Variants in DAB1 observed in about 807,000 individuals in gnomAD.
The protein encoded by DAB1 is disabled homolog 1.
In DAB1, 15 loss-of-function variants were observed where a neutral mutation model predicts 64.6. The observed-to-expected ratio is 0.23, with a 90% CI of 0.16 to 0.36. The LOEUF (loss-of-function observed/expected upper bound fraction) is 0.36, where lower values mean the gene tolerates loss of function less well. DAB1 is among the 10% of genes least tolerant of loss of function. The probability of loss-of-function intolerance (pLI) is 1.00; values close to 1 mark genes in which losing one functional copy is unlikely to be tolerated. For synonymous variants in DAB1, 235 were observed against 251.9 expected (o/e 0.93, Z 0.64); for missense variants, 596 against 706.7 (o/e 0.84, Z 1.78).
At chr1:57,376,787 G>T (rs1680932150) in intron 1 of DAB1, among the ~76,000 whole-genome samples, 1 of 152,152 alleles carries the variant, frequency 6.6e-6, no homozygotes, top group Non-Finnish European at 1.5e-5. Context: ...AAAATGTACA[G>T]CCTACTGAAA....
intron 5 of DAB1, among the ~76,000 whole-genome samples, chr1:57,947,064 T>A (rs1645195293): frequency 6.6e-6 from 1 of 152,070 alleles, no homozygotes; most frequent in African/African-American, 2.4e-5. Flanking sequence ...GTGCTATGGG[T>A]CTTGATTTAC....
At chr1:57,807,827 T>C (rs1651437056) in intron 6 of DAB1, among the ~76,000 whole-genome samples, 1 of 152,106 alleles carries the variant, frequency 6.6e-6, no homozygotes, top group South Asian at 2.1e-4. Context: ...CTATTCAACA[T>C]GAAGATGATT....
chr1:57,391,141 C>T (rs1570432974), intron 1 of DAB1, among the ~76,000 whole-genome samples: 1 of 152,170 alleles, frequency 6.6e-6, no homozygotes, highest in African/African-American at 2.4e-5. Flanking sequence ...ACAGTGCCGC[C>T]CTAACTCCAT....
At chr1:57,826,832 C>T (rs706410) in intron 1 of DAB1, among the ~76,000 whole-genome samples, 24,432 of 152,224 alleles carry the variant, frequency 0.16, 2,379 homozygotes, top group Middle Eastern at 0.24. Flanking sequence ...TTGCCATGTG[C>T]TCCTCTCCCA....
At chr1:57,183,282 G>A (rs1302008348) in intron 2 of DAB1, among the ~76,000 whole-genome samples, 1 of 152,124 alleles carries the variant, frequency 6.6e-6, no homozygotes, top group Non-Finnish European at 1.5e-5. Flanking sequence ...CATATCACAA[G>A]GCAGAGAAAG....
intron 6 of DAB1, among the ~76,000 whole-genome samples, chr1:57,810,392 A>C (rs1450832010): frequency 6.6e-6 from 1 of 152,162 alleles, no homozygotes; most frequent in Non-Finnish European, 1.5e-5. Context: ...AATGAATAAA[A>C]ATTAGCCAAG....
At chr1:57,928,984 G>A (rs192851357) in intron 5 of DAB1, among the ~76,000 whole-genome samples, 1 of 152,168 alleles carries the variant, frequency 6.6e-6, no homozygotes. Context: ...CAAATGCTAA[G>A]AGCATGTTTA....
intron 1 of DAB1, among the ~76,000 whole-genome samples, chr1:57,362,229 C>T (rs1046947653): frequency 2.0e-5 from 3 of 152,138 alleles, no homozygotes; most frequent in Non-Finnish European, 1.5e-5. Flanking sequence ...AACAAAGAAA[C>T]ACTACCTACT....
chr1:58,531,822 C>T (rs1433906833), intron 1 of DAB1, among the ~76,000 whole-genome samples: 1 of 152,062 alleles, frequency 6.6e-6, no homozygotes, highest in Admixed American at 6.5e-5. Flanking sequence ...GTTTCTCCTG[C>T]CTCAGCCTCC....
chr1:57,457,116 G>A (rs967710010), intron 7 of DAB1, among the ~76,000 whole-genome samples: 1 of 149,768 alleles, frequency 6.7e-6, no homozygotes, highest in Non-Finnish European at 1.5e-5. Context: ...TCCTGTAGCA[G>A]CAAATCCTGA....
chr1:57,671,745 T>C lies in DAB1; in HGVS notation n.552-22080A>G, dbSNP rs1234080939. Among the ~76,000 whole-genome samples, 4 of 152,052 alleles carry C rather than the reference T, an allele frequency of 2.6e-5. No individual in the cohort carries two copies. The East Asian group carries it at 7.7e-4, about 29-fold the overall frequency. On this transcript the variant is annotated intron_variant and non_coding_transcript_variant, in intron 6 of 20. Transcript: ENST00000485760. Reference sequence around the variant, plus strand: ...TAACTCACTTGTACACTAATTTCTGTTGACATTTTACCTTCCCTGTACAGC... The same window carrying C: ...TAACTCACTTGTACACTAATTTCTGCTGACATTTTACCTTCCCTGTACAGC...
At chr1:58,545,876 G>A (rs1646694727) in intron 1 of DAB1, among the ~76,000 whole-genome samples, 1 of 152,170 alleles carries the variant, frequency 6.6e-6, no homozygotes, top group South Asian at 2.1e-4. Flanking sequence ...AAAAGAATTG[G>A]ACGGCAGCAG....
At chr1:57,457,256 TAAG>T in intron 7 of DAB1, among the ~76,000 whole-genome samples, 1 of 152,228 alleles carries the variant, frequency 6.6e-6, no homozygotes, top group Non-Finnish European at 1.5e-5. Flanking sequence ...AGAATTGGAC[TAAG>T]AACTGTGTGC....
intron 5 of DAB1, among the ~76,000 whole-genome samples, chr1:57,992,419 A>T (rs2100379391): frequency 6.6e-6 from 1 of 152,328 alleles, no homozygotes. Flanking sequence ...AGGAACACAA[A>T]GTTATTGAAA....
intron 6 of DAB1, among the ~76,000 whole-genome samples, chr1:57,668,989 C>A (rs1425921801): frequency 2.0e-5 from 3 of 152,082 alleles, no homozygotes; most frequent in Non-Finnish European, 4.4e-5. Flanking sequence ...TGTGAGATTT[C>A]CATGCGAGCT....
intron 5 of DAB1, chr1:58,078,183 A>G (rs1570322078): frequency 6.6e-6 from 1 of 152,164 alleles, no homozygotes; most frequent in Non-Finnish European, 1.5e-5. Context: ...GGATTTGGAG[A>G]GATACTGTAG....
intron 3 of DAB1, among the ~76,000 whole-genome samples, chr1:58,434,720 A>G (rs1344392276): frequency 2.6e-5 from 4 of 152,240 alleles, no homozygotes; most frequent in Non-Finnish European, 4.4e-5. Flanking sequence ...CCAGCCTGGT[A>G]CACTGCAACA....
At chr1:57,534,703 C>A (rs985900323) in intron 7 of DAB1, among the ~76,000 whole-genome samples, 3 of 152,148 alleles carry the variant, frequency 2.0e-5, no homozygotes, top group Admixed American at 6.6e-5. Flanking sequence ...GCCCACCAGT[C>A]TCTACGAGAA....
At chr1:57,407,369 C>T (rs991036565) in intron 1 of DAB1, among the ~76,000 whole-genome samples, 4 of 152,146 alleles carry the variant, frequency 2.6e-5, no homozygotes, top group African/African-American at 9.7e-5. Flanking sequence ...AAAATAAAAA[C>T]GGAAGCAAAG....
Sources: allele counts gnomAD v4.1 joint callset (sites outside exome capture counted in the v4.1 genomes callset), GRCh38; gene constraint gnomAD v4.1.1; transcripts MANE v1.5; gene names NCBI Gene and HGNC (gene_info 2026-07-23, HGNC 2026-07-21).